Variants in LARS1 observed in about 807,000 individuals in gnomAD.
LARS1 encodes leucyl-tRNA synthetase 1.
A neutral mutation model predicts 162.8 loss-of-function variants in LARS1; 100 were observed. That is an observed-to-expected ratio of 0.61 (90% confidence interval 0.52 to 0.73). LARS1 has a LOEUF of 0.73. LARS1 is among the 30% of genes least tolerant of loss of function. LARS1 has a pLI of 0.00. For missense variants in LARS1, 1,258 were observed against 1,408.9 expected, an observed-to-expected ratio of 0.89 and a Z score of 1.71; for synonymous variants, 457 against 462.8, an observed-to-expected ratio of 0.99 and a Z score of 0.16.
At chr5:146,154,637 G>A (rs1753441693) in intron 10 of LARS1, among the ~76,000 whole-genome samples, 1 of 151,836 alleles carries the variant, frequency 6.6e-6, no homozygotes, top group South Asian at 2.1e-4. Context: ...AATTAGCCAG[G>A]CGTGGTGGCA....
chr5:146,158,922 C>T (rs1244389664), intron 8 of LARS1, among the ~76,000 whole-genome samples: 1 of 152,004 alleles, frequency 6.6e-6, no homozygotes, highest in East Asian at 1.9e-4. Context: ...CGGTGAAACC[C>T]CGTCTCTACT....
chr5:146,157,591 T>A lies in LARS1; in HGVS notation c.877A>T (p.Thr293Ser), dbSNP rs770148280. ...CCAAACATGGTCTCAGGTCTGAGAG[T>A]AGCAGCCACCAAGAAAATATTTTTA... ...KGKNIFLVAATLRPETMFGQT... is the reference protein window; with the variant it reads ...KGKNIFLVAASLRPETMFGQT... The change falls in exon 10 of 32, where the codon ACT (threonine) becomes TCT (serine). Residue 293 changes from threonine to serine, a missense_variant. Physicochemically the swap from Thr to Ser is moderately conservative, Grantham distance 58. Transcript: ENST00000394434. The A allele has an allele frequency of 4.3e-6, 7 of 1,613,706 alleles. No individual in the cohort carries two copies. The highest frequency in any genetic ancestry group is 5.9e-6 in the Non-Finnish European group (7 of 1,179,950).
intron 6 of LARS1, among the ~76,000 whole-genome samples, chr5:146,162,842 T>C (rs917536501): frequency 2.0e-5 from 3 of 152,158 alleles, no homozygotes; most frequent in Non-Finnish European, 4.4e-5. Context: ...TGCAGCAGAG[T>C]CTCGCTCTTG....
intron 27 of LARS1, among the ~76,000 whole-genome samples, chr5:146,127,719 C>A (rs745398198): frequency 6.6e-6 from 1 of 151,994 alleles, no homozygotes; most frequent in Non-Finnish European, 1.5e-5. Flanking sequence ...TTCTAAAGGC[C>A]ACCTTCTATT....
intron 27 of LARS1, among the ~76,000 whole-genome samples, chr5:146,127,268 AT>A (rs1222142746): frequency 1.3e-5 from 2 of 152,102 alleles, no homozygotes; most frequent in African/African-American, 4.8e-5. Context: ...ACTAAAGTAC[AT>A]GGGAAAAAAA....
chr5:146,180,268 C>G (rs1754776419), intron 1 of LARS1, among the ~76,000 whole-genome samples: 1 of 152,150 alleles, frequency 6.6e-6, no homozygotes, highest in Non-Finnish European at 1.5e-5. Flanking sequence ...TGCATTGGCT[C>G]ACACCTGTAA....
intron 28 of LARS1, among the ~76,000 whole-genome samples, chr5:146,124,971 G>A (rs1751981939): frequency 6.6e-6 from 1 of 151,268 alleles, no homozygotes; most frequent in South Asian, 2.1e-4. Context: ...AGATCCTAAA[G>A]AAGCCAACTC....
chr5:146,149,968 A>C (rs565163232), intron 14 of LARS1, among the ~76,000 whole-genome samples: 3 of 152,286 alleles, frequency 2.0e-5, no homozygotes, highest in Admixed American at 2.0e-4. Context: ...AGGAATACTC[A>C]CTTCCACTTC....
At chr5:146,182,466 G>A (rs1164716343) in intron 1 of LARS1, 22 bp downstream of exon 1, 1 of 1,613,932 alleles carries the variant, frequency 6.2e-7, no homozygotes, top group South Asian at 1.1e-5. Flanking sequence ...GGCCCCTGCG[G>A]ATTCTTCTCG....
At position 146,157,814 on chromosome 5, in the gene LARS1, C is replaced by A. The variant is rs199856399; in HGVS notation, c.772-19G>T. The A allele has an allele frequency of 3.1e-6, 5 of 1,610,826 alleles. No homozygotes were observed. The Admixed American group carries it at 6.7e-5, about 22-fold the overall frequency. On this transcript the variant is annotated intron_variant, in intron 8 of 31. Coordinates refer to ENST00000394434, the MANE Select transcript of LARS1 (RefSeq NM_020117.11). ...CAACACCCTAAGCAAATAAACGATA[C>A]AAAAATTTGAAGGAAAAAAAAGACT...
chr5:146,140,428 G>A (rs558256263), intron 20 of LARS1, among the ~76,000 whole-genome samples, 167 bp from the exon 21 acceptor site: 43 of 152,316 alleles, frequency 2.8e-4, no homozygotes, highest in African/African-American at 1.0e-3. Context: ...CAAATCAAAG[G>A]ACTGGCTACA....
Position 146,160,504 on chromosome 5 carries a change from T to A in LARS1, c.595-18A>T. On this transcript the variant is annotated intron_variant, in intron 6 of 31. Transcript: ENST00000394434. ...CAGTCTACCTATAAAAGGAAAATTT[T>A]AAAAGGCAATTACTGAGAAATACAC... is the stretch of plus-strand genomic sequence containing the variant. 7 of 1,362,494 alleles carry A rather than the reference T, an allele frequency of 5.1e-6. No homozygotes were observed. Among genetic ancestry groups the A allele is most frequent in the Non-Finnish European group, 7.0e-6 (7 of 1,004,262 alleles). 84.4% of individuals were successfully genotyped at this position (1,362,494 alleles called of 1,614,324 possible).
In LARS1 at chr5:146,181,979, C is replaced by T. The variant is rs186866936; in HGVS notation, c.6+509G>A. Among the ~76,000 whole-genome samples, 620 of 148,564 alleles carry T rather than the reference C, an allele frequency of 4.2e-3. 6 individuals carry two copies. Among genetic ancestry groups the T allele is most frequent in the African/African-American group, 0.014 (550 of 40,382 alleles). On this transcript the variant is annotated intron_variant, in intron 1 of 31. Transcript: ENST00000394434. ...TTTTTAAGACGGAGTCTCACTCTGT[C>T]GCCCAGGCTGGAGTGCAGTGGCGCG... is the stretch of plus-strand genomic sequence containing the variant.
Position 146,153,686 on chromosome 5 carries a change from C to T in LARS1, c.1230+48G>A, listed in dbSNP as rs376473253. The T allele has an allele frequency of 2.1e-6, 3 of 1,457,094 alleles. No homozygotes were observed. The African/African-American group carries it at 4.2e-5, about 20-fold the overall frequency. 90.3% of individuals were successfully genotyped at this position (1,457,094 alleles called of 1,614,324 possible). Reference sequence around the variant, plus strand: ...ACAGCGTAGTTCAGCAGCACCTAAGCAATGAGATGGTGAGGACGAAATACA... The same window carrying T: ...ACAGCGTAGTTCAGCAGCACCTAAGTAATGAGATGGTGAGGACGAAATACA... On this transcript the variant is annotated intron_variant, in intron 12 of 31. Coordinates refer to ENST00000394434, the MANE Select transcript of LARS1 (RefSeq NM_020117.11).
At chr5:146,129,164 A>G (rs1243332223) in intron 25 of LARS1, 46 bp from the exon 26 acceptor site, 2 of 1,479,054 alleles carry the variant, frequency 1.4e-6, no homozygotes, top group Admixed American at 2.2e-5. Flanking sequence ...AGATTAGACA[A>G]TATAACTATT....
chr5:146,145,873 T>A (rs150295308), intron 15 of LARS1, among the ~76,000 whole-genome samples: 2 of 151,994 alleles, frequency 1.3e-5, no homozygotes, highest in Admixed American at 1.3e-4. Flanking sequence ...TCAAAATGAA[T>A]GAGAAGAAAA....
chr5:146,155,147 C>T (rs1026046339), intron 10 of LARS1, among the ~76,000 whole-genome samples: 5 of 152,160 alleles, frequency 3.3e-5, no homozygotes, highest in East Asian at 1.9e-4. Context: ...CCACCGTGCC[C>T]GTCCCGGAAA....
intron 21 of LARS1, 61 bp from the exon 22 acceptor site, chr5:146,135,725 C>A: frequency 1.7e-6 from 2 of 1,202,900 alleles, no homozygotes; most frequent in Non-Finnish European, 2.3e-6. Flanking sequence ...CCAAATGAGC[C>A]AAATAAAATT....
intron 15 of LARS1, among the ~76,000 whole-genome samples, chr5:146,147,390 C>A: frequency 6.6e-6 from 1 of 150,484 alleles, no homozygotes; most frequent in East Asian, 1.9e-4. Context: ...TATGGCAAGA[C>A]CCCTGTCTCT....
Sources: allele counts gnomAD v4.1 joint callset (sites outside exome capture counted in the v4.1 genomes callset), GRCh38; gene constraint gnomAD v4.1.1; transcripts MANE v1.5; gene names NCBI Gene and HGNC (gene_info 2026-07-23, HGNC 2026-07-21).